The following MTOR variants were observed in gnomAD, a reference collection of about 807,000 sequenced individuals.
MTOR encodes the protein mechanistic target of rapamycin kinase.
Under a neutral mutation model 319.8 loss-of-function variants are expected in MTOR, and 70 were observed. The observed-to-expected ratio is 0.22, with a 90% CI of 0.18 to 0.27. The LOEUF is 0.27. Ranked by LOEUF, MTOR falls within the 10% of genes least tolerant of loss-of-function variation. MTOR has a pLI of 1.00. For synonymous variants in MTOR, 1,183 were observed against 1,211.4 expected, an observed-to-expected ratio of 0.98 and a Z score of 0.49; for missense variants, 1,890 against 3,274.4, an observed-to-expected ratio of 0.58 and a Z score of 10.32.
rs199572003 is a variant in MTOR, at chr1:11,121,418, T to A, written c.6811-50A>T. The A allele has an allele frequency of 1.2e-4, 197 of 1,607,042 alleles. No homozygotes were observed. In the African/African-American group the frequency reaches 2.4e-3, roughly 19 times the overall value. ...TAAGAGAGCAGCCTAAGACATGTAG[T>A]TTGGGTCCAGGAAGAAACAAGGCTT... On this transcript the variant is annotated intron_variant, in intron 48 of 57. Transcript: ENST00000361445. This position sits in a 1 kb window ranked among gnomAD's most constrained non-coding sequence, Gnocchi z 4.9.
chr1:11,243,410 G>T, intron 8 of MTOR, 110 bp from the exon 9 acceptor site: 1 of 1,066,360 alleles, frequency 9.4e-7, no homozygotes, highest in Non-Finnish European at 1.3e-6. Flanking sequence ...TTAAGAAAGT[G>T]GCCAGGCACA....
intron 2 of MTOR, 113 bp downstream of exon 2, chr1:11,259,135 A>C (rs964877253): frequency 5.1e-6 from 7 of 1,374,174 alleles, no homozygotes; most frequent in Non-Finnish European, 6.9e-6. Flanking sequence ...GCCTTTATAA[A>C]ATAATCTCTG....
At chr1:11,220,572 T>C (rs983862849) in intron 19 of MTOR, among the ~76,000 whole-genome samples, 1 of 152,122 alleles carries the variant, frequency 6.6e-6, no homozygotes, top group Non-Finnish European at 1.5e-5. Flanking sequence ...TATGTGTGGA[T>C]GAATATAAAC....
Position 11,241,574 on chromosome 1 carries a change from G to T in MTOR, c.1520C>A (p.Pro507His). 6.2e-7 allele frequency: 1 copy of T among 1,613,284 alleles called. No homozygotes were observed. Among genetic ancestry groups the T allele is most frequent in the South Asian group, 1.1e-5 (1 of 91,002 alleles). ...CCACCTTAGTCCCACTGCCAGCATG[G>T]GCTCCAGCAGCTCCTTGATATCCTG... is the stretch of plus-strand genomic sequence containing the variant. ...IQQDIKELLE[P>H]MLAVGLSPAL... The change falls in exon 10 of 58, where the codon CCC (proline) becomes CAC (histidine). Residue 507 changes from proline (P) to histidine (H), a missense_variant. Pro to His is a moderately conservative substitution (Grantham distance 77, BLOSUM62 -2). Around this residue, in one of 15 missense-constraint regions of MTOR, gnomAD observed 418 missense variants for 543.1 expected, o/e 0.77. Transcript: ENST00000361445.
intron 30 of MTOR, among the ~76,000 whole-genome samples, chr1:11,155,296 T>C (rs1038538004): frequency 8.6e-5 from 13 of 151,870 alleles, no homozygotes; most frequent in Admixed American, 3.9e-4. Flanking sequence ...AACAGCAGAG[T>C]GCAAAATGGT....
At chr1:11,178,520 C>G (rs1645055908) in intron 28 of MTOR, among the ~76,000 whole-genome samples, 1 of 152,220 alleles carries the variant, frequency 6.6e-6, no homozygotes, top group Non-Finnish European at 1.5e-5. Flanking sequence ...TTAATTACTT[C>G]CAACTTTATC....
intron 19 of MTOR, among the ~76,000 whole-genome samples, chr1:11,223,759 G>A (rs924016302): frequency 6.6e-6 from 1 of 152,102 alleles, no homozygotes; most frequent in Non-Finnish European, 1.5e-5. Context: ...CGCAAACATG[G>A]CCAGGTGCAG....
chr1:11,111,354 G>A (rs1570899720), intron 54 of MTOR, among the ~76,000 whole-genome samples: 1 of 151,844 alleles, frequency 6.6e-6, no homozygotes, highest in South Asian at 2.1e-4. Context: ...GGTGGCATGC[G>A]TCTGTAATCC....
chr1:11,159,641 CAA>C (rs796905295), intron 29 of MTOR, among the ~76,000 whole-genome samples: 9 of 118,068 alleles, frequency 7.6e-5, no homozygotes, highest in South Asian at 2.5e-4. Context: ...AACTCCGTCT[CAA>C]AAAAAAAAAA....
chr1:11,111,597 C>A (rs1641877329), intron 54 of MTOR: 1 of 173,978 alleles, frequency 5.7e-6, no homozygotes, highest in Non-Finnish European at 1.2e-5. Flanking sequence ...GTCCCCTTTT[C>A]TGAATCTCCA....
chr1:11,208,047 T>C (rs1007606025), intron 25 of MTOR, among the ~76,000 whole-genome samples: 5 of 152,040 alleles, frequency 3.3e-5, no homozygotes, highest in Non-Finnish European at 5.9e-5. Context: ...GGCTGCCTGG[T>C]TGGAAGGACA....
intron 28 of MTOR, among the ~76,000 whole-genome samples, chr1:11,170,469 ACTTTGG>A (rs1338220609): frequency 2.0e-5 from 3 of 152,016 alleles, no homozygotes; most frequent in Non-Finnish European, 4.4e-5. Context: ...TAATCCCAGC[ACTTTGG>A]GAGGTTGAGG....
At chr1:11,189,893 T>C (rs1645460154) in intron 28 of MTOR, 1 of 1,613,946 alleles carries the variant, frequency 6.2e-7, no homozygotes, top group Non-Finnish European at 8.5e-7. Context: ...TACTCCGAGA[T>C]GAACAACCAA....
At chr1:11,206,878 T>C (rs993258961) in intron 25 of MTOR, among the ~76,000 whole-genome samples, 1 of 152,234 alleles carries the variant, frequency 6.6e-6, no homozygotes, top group Non-Finnish European at 1.5e-5. Flanking sequence ...GTAAAGCTGC[T>C]GAAAATTCTG....
At chr1:11,126,887 A>G (rs1642865622) in intron 45 of MTOR, 91 bp from the exon 46 acceptor site, 3 of 1,576,624 alleles carry the variant, frequency 1.9e-6, no homozygotes, top group Non-Finnish European at 1.7e-6. Flanking sequence ...GCTAATAACA[A>G]TTACTTGTCC....
chr1:11,246,032 ATTGAG>A (rs1648770016), intron 8 of MTOR, among the ~76,000 whole-genome samples: 1 of 152,212 alleles, frequency 6.6e-6, no homozygotes, highest in Non-Finnish European at 1.5e-5. Context: ...AGCTTATAAC[ATTGAG>A]AAGTTTAAGC....
In MTOR at chr1:11,222,528, G is replaced by T. The variant is rs531727416; in HGVS notation, c.3030+6140C>A. ...AATGTTTTAAATAAAATGAGATGGGGTTTTGCTATGCTGCCCAGGTTGGTC... is the reference window on the plus strand; with the variant it reads ...AATGTTTTAAATAAAATGAGATGGGTTTTTGCTATGCTGCCCAGGTTGGTC... On this transcript the variant is annotated intron_variant, in intron 19 of 57. Transcript: ENST00000361445. Among the ~76,000 whole-genome samples, 9 of 152,066 alleles carry T rather than the reference G, an allele frequency of 5.9e-5. No homozygotes were observed. In the East Asian group the frequency reaches 1.7e-3, roughly 30 times the overall value.
At chr1:11,181,774 C>G (rs1327318338) in intron 28 of MTOR, among the ~76,000 whole-genome samples, 1 of 152,166 alleles carries the variant, frequency 6.6e-6, no homozygotes, top group Non-Finnish European at 1.5e-5. Flanking sequence ...CTTTGAAATT[C>G]ATTATTTCAT....
chr1:11,192,304 G>C (rs771794921), intron 28 of MTOR: 3 of 1,613,934 alleles, frequency 1.9e-6, no homozygotes, highest in Admixed American at 1.7e-5. Flanking sequence ...TCTACCAGAA[G>C]AACTACCGCA....
Sources: gnomAD v4.1 joint callset for allele counts (sites outside exome capture counted in the v4.1 genomes callset) on GRCh38, gnomAD v4.1.1 for gene constraint, gnomAD v4.1.1 regional missense constraint, Gnocchi (gnomAD v3.1) non-coding constraint, MANE v1.5 for transcripts, NCBI Gene and HGNC (gene_info 2026-07-23, HGNC 2026-07-21) for gene names.